CAT: variants seen among roughly 807,000 people sequenced by gnomAD.
CAT encodes epididymis secretory sperm binding protein.
In CAT, 43 loss-of-function variants were observed where a neutral mutation model predicts 59.0. The observed-to-expected ratio is 0.73, with a 90% confidence interval of 0.57 to 0.94. The LOEUF (loss-of-function observed/expected upper bound fraction) is 0.94. Among genes scored for constraint, CAT ranks in the 40% least tolerant of loss-of-function variants. CAT has a pLI of 0.00. For synonymous variants in CAT, 218 were observed against 230.9 expected (o/e 0.94, Z 0.51); for missense variants, 664 against 682.9 (o/e 0.97, Z 0.31).
chr11:34,466,732 G>C (rs1165973203), intron 10 of CAT, among the ~76,000 whole-genome samples: 2 of 124,964 alleles, frequency 1.6e-5, no homozygotes, highest in African/African-American at 6.2e-5. Flanking sequence ...AGTGAGCCGA[G>C]ATCGCGCCAC....
chr11:34,441,758 C>T (rs1030594679), intron 1 of CAT, among the ~76,000 whole-genome samples: 1 of 152,178 alleles, frequency 6.6e-6, no homozygotes, highest in Non-Finnish European at 1.5e-5. Context: ...TACATGACTG[C>T]ACTCTAGCCT....
At chr11:34,444,248 G>A (rs899980799) in intron 1 of CAT, among the ~76,000 whole-genome samples, 2 of 152,194 alleles carry the variant, frequency 1.3e-5, no homozygotes, top group African/African-American at 2.4e-5. Context: ...GGGAGGTATG[G>A]CATGACTGAA....
chr11:34,449,547 T>C (rs1243159834), intron 2 of CAT, among the ~76,000 whole-genome samples, 184 bp downstream of exon 2: 3 of 152,242 alleles, frequency 2.0e-5, no homozygotes, highest in Non-Finnish European at 4.4e-5. Context: ...GGTTAAACAT[T>C]ATATATAAAA....
intron 11 of CAT, among the ~76,000 whole-genome samples, chr11:34,470,551 G>C (rs1856762637): frequency 6.6e-6 from 1 of 152,150 alleles, no homozygotes; most frequent in South Asian, 2.1e-4. Context: ...TTCCTGGTGT[G>C]AGCCTCCATC....
intron 8 of CAT, chr11:34,460,856 A>C: frequency 3.6e-6 from 1 of 278,278 alleles, no homozygotes; most frequent in Non-Finnish European, 7.0e-6. Context: ...GAGTGGGGGA[A>C]TGAGGAGGAA....
intron 6 of CAT, among the ~76,000 whole-genome samples, chr11:34,455,345 A>G (rs955266558): frequency 1.3e-5 from 2 of 152,196 alleles, no homozygotes; most frequent in Non-Finnish European, 2.9e-5. Flanking sequence ...TCACATGGTC[A>G]GTCCATCAAA....
At chr11:34,456,935 T>A in intron 8 of CAT, 118 bp downstream of exon 8, 1 of 1,076,134 alleles carries the variant, frequency 9.3e-7, no homozygotes, top group Non-Finnish European at 1.4e-6. Context: ...ACTTAAACTT[T>A]AATCTGGGTG....
In CAT at chr11:34,453,822, CG is replaced by C. The variant is rs779036767; in HGVS notation, c.612del (p.Ile205PhefsTer8). 3 of 1,613,232 alleles carry C rather than the reference CG, an allele frequency of 1.9e-6. No homozygotes were observed. Among genetic ancestry groups the C allele is most frequent in the Non-Finnish European group, 2.5e-6 (3 of 1,179,276 alleles). On this transcript the variant is annotated frameshift_variant, in exon 6 of 13. Transcript: ENST00000241052. LOFTEE classifies it high-confidence loss of function. Reference sequence around the variant, plus strand: ...TTAGGTTTCTTTCTTGTTCAGTGATCGGGGGATTCCAGATGGACATCGCCAC... The same window carrying C: ...TTAGGTTTCTTTCTTGTTCAGTGATCGGGGATTCCAGATGGACATCGCCAC... ...LHQVSFLFSD[R>X]GIPDGHRHMN...
intron 10 of CAT, among the ~76,000 whole-genome samples, chr11:34,467,147 A>G (rs73436750): frequency 1.5e-4 from 23 of 152,370 alleles, no homozygotes; most frequent in African/African-American, 5.5e-4. Flanking sequence ...CAAAAAAGGA[A>G]TATTATTAAG....
intron 1 of CAT, among the ~76,000 whole-genome samples, chr11:34,446,753 T>C (rs967544407): frequency 6.6e-6 from 1 of 151,966 alleles, no homozygotes; most frequent in Non-Finnish European, 1.5e-5. Flanking sequence ...CCCCCTTTTT[T>C]TTTTTGAGAC....
Position 34,449,295 on chromosome 11 carries a change from T to TCC in CAT, c.171_172insCC (p.Thr58ProfsTer78), listed in dbSNP as rs1564961738. On this transcript the variant is annotated frameshift_variant, in exon 2 of 13. Coordinates refer to ENST00000241052, the MANE Select transcript of CAT (RefSeq NM_001752.4). LOFTEE classifies it high-confidence loss of function. ...CCCCTTCTTGTTCAGGATGTGGTTT[T>TCC]CACTGATGAAATGGCTCATTTTGAC... 2 of 1,614,068 alleles carry TCC rather than the reference T, an allele frequency of 1.2e-6. No homozygotes were observed. The highest frequency in any genetic ancestry group is 1.7e-6 in the Non-Finnish European group (2 of 1,180,000).
Position 34,444,044 on chromosome 11 carries a change from C to T in CAT, c.66+4965C>T, listed in dbSNP as rs955971909. Among the ~76,000 whole-genome samples the T allele has an allele frequency of 2.0e-4, 31 of 151,860 alleles. 1 individual carries two copies. Among genetic ancestry groups the T allele is most frequent in the Admixed American group, 5.9e-4 (9 of 15,246 alleles). On this transcript the variant is annotated intron_variant, in intron 1 of 12. Transcript: ENST00000241052. The stretch of plus-strand genomic sequence containing the variant: ...GGTGGGTAGGTCTATGCAAACCTAC[C>T]CCCAAAGTCTGAGGAAGCTGAGAGG...
rs769313918 is a variant in CAT, at chr11:34,468,291, C to T, written c.1330C>T (p.Arg444Trp). ...TANDDNVTQV[R>W]AFYVNVLNEE... ...ACTTGCTCTTTTCTCTGAGCAGGTG[C>T]GGGCATTCTATGTGAACGTGCTGAA... The change falls in exon 11 of 13, where the codon CGG becomes TGG. Residue 444 changes from arginine to tryptophan, a missense_variant. By Grantham distance (101) the Arg-to-Trp change is moderately radical. Transcript: ENST00000241052. The T allele has an allele frequency of 2.7e-5, 44 of 1,612,230 alleles. No individual in the cohort carries two copies. The highest frequency in any genetic ancestry group is 3.3e-5 in the South Asian group (3 of 91,060).
In CAT at chr11:34,461,386, C is replaced by G. The variant is rs992034275; in HGVS notation, c.1192C>G (p.Gln398Glu). The part of the protein sequence containing the change: ...RDGPMCMQDN[Q>E]GGAPNYYPNS... ...CGGCCCGATGTGCATGCAGGACAAT[C>G]AGGGTAGGCCTAAAGACGTTGGGCT... The change falls in exon 9 of 13, where the codon CAG becomes GAG. Residue 398 changes from glutamine (Q) to glutamate (E), a missense_variant. By Grantham distance (29) the Gln-to-Glu change is conservative. Coordinates refer to ENST00000241052, the MANE Select transcript of CAT (RefSeq NM_001752.4). 6.2e-7 allele frequency: 1 copy of G among 1,614,220 alleles called. No homozygotes were observed. Among genetic ancestry groups the G allele is most frequent in the Admixed American group, 1.7e-5 (1 of 60,034 alleles).
intron 12 of CAT, 63 bp from the exon 13 acceptor site, chr11:34,471,304 TG>T (rs1856769995): frequency 1.6e-6 from 2 of 1,244,798 alleles, no homozygotes; most frequent in African/African-American, 3.0e-5. Context: ...ATATTAAAAC[TG>T]AGTAAATATC....
intron 1 of CAT, 101 bp downstream of exon 1, chr11:34,439,180 C>A: frequency 8.9e-7 from 1 of 1,125,520 alleles, no homozygotes; most frequent in Non-Finnish European, 1.3e-6. Context: ...CTTGGAGGGA[C>A]TGTACCGCGG....
chr11:34,461,585 T>C (rs1183881781), intron 9 of CAT, among the ~76,000 whole-genome samples, 196 bp downstream of exon 9: 1 of 152,178 alleles, frequency 6.6e-6, no homozygotes, highest in Non-Finnish European at 1.5e-5. Context: ...TCTCCATGCT[T>C]TTTATCTATT....
At chr11:34,466,804 A>AAAAAAAAAAAAG (rs1554938652) in intron 10 of CAT, among the ~76,000 whole-genome samples, 1 of 147,834 alleles carries the variant, frequency 6.8e-6, no homozygotes, top group African/African-American at 2.6e-5. Context: ...AAAAAAAAAA[A>AAAAAAAAAAAAG]GAAAATAGAT....
Position 34,456,001 on chromosome 11 carries a change from CATT to C in CAT, c.712-9_712-7del. The C allele has an allele frequency of 6.2e-7, 1 of 1,612,424 alleles. No homozygotes were observed. Among genetic ancestry groups the C allele is most frequent in the Non-Finnish European group, 8.5e-7 (1 of 1,179,152 alleles). Reference sequence around the variant, plus strand: ...AGTTTCCATTGGAGCTTCTTTCTTTCATTTTGTAGACTGACCAGGGCATCAAAA... The same window carrying C: ...AGTTTCCATTGGAGCTTCTTTCTTTCTTGTAGACTGACCAGGGCATCAAAA... On this transcript the variant is annotated splice_polypyrimidine_tract_variant and splice_region_variant and intron_variant, in intron 6 of 12. Transcript: ENST00000241052.
Sources: gnomAD v4.1 joint callset for allele counts (sites outside exome capture counted in the v4.1 genomes callset) on GRCh38, gnomAD v4.1.1 for gene constraint, MANE v1.5 for transcripts, NCBI Gene and HGNC (gene_info 2026-07-23, HGNC 2026-07-21) for gene names.